Variants in AADACL3 observed in about 807,000 individuals in gnomAD.
AADACL3 encodes the protein arylacetamide deacetylase-like 3.
Under a neutral mutation model 13.6 loss-of-function variants are expected in AADACL3, and 13 were observed. That is an observed-to-expected ratio of 0.95 (90% CI 0.62 to 1.52). The LOEUF is 1.52. Ranked by LOEUF, AADACL3 falls within the 40% of genes most tolerant of loss-of-function variation. The probability of loss-of-function intolerance (pLI) is 0.00; values close to 1 mark genes in which losing one functional copy is unlikely to be tolerated. For synonymous variants in AADACL3, 195 were observed against 197.0 expected (o/e 0.99, Z 0.08); for missense variants, 519 against 499.2 (o/e 1.04, Z -0.38).
intron 3 of AADACL3, 85 bp downstream of exon 3, chr1:12,721,031 G>T: frequency 3.1e-6 from 1 of 320,946 alleles, no homozygotes; most frequent in East Asian, 8.7e-5. Flanking sequence ...AATGGGGGTG[G>T]GGGGTGGGGG....
chr1:12,723,396 A>G (rs1482630019), intron 3 of AADACL3, among the ~76,000 whole-genome samples: 1 of 152,176 alleles, frequency 6.6e-6, no homozygotes, highest in Non-Finnish European at 1.5e-5. Flanking sequence ...GTTCAAAACC[A>G]CTCACAAATG....
chr1:12,716,724 G>A (rs115463652), intron 1 of AADACL3, among the ~76,000 whole-genome samples: 1,615 of 152,298 alleles, frequency 0.011, 26 homozygotes, highest in African/African-American at 0.037. Context: ...GCATTTTTAA[G>A]TGTACCTTTC....
intron 3 of AADACL3, among the ~76,000 whole-genome samples, chr1:12,721,875 T>A (rs778685269): frequency 1.6e-4 from 24 of 152,242 alleles, no homozygotes; most frequent in African/African-American, 3.6e-4. Flanking sequence ...GGGTCCCCTG[T>A]CCTGCTGCCT....
At chr1:12,724,840 A>G (rs765481640) in intron 3 of AADACL3, among the ~76,000 whole-genome samples, 6 of 152,218 alleles carry the variant, frequency 3.9e-5, no homozygotes, top group Non-Finnish European at 7.3e-5. Context: ...TAGGTATGGC[A>G]TGATTAATTA....
In AADACL3 at chr1:12,719,516, A is replaced by T; in HGVS notation, c.210A>T (p.Gln70His). Reference sequence around the variant, plus strand: ...AGCTCAGAATCTGTTCTATGCCCCAATTTTTCTGTTTCATGCAAGATCTGC... The same window carrying T: ...AGCTCAGAATCTGTTCTATGCCCCATTTTTTCTGTTTCATGCAAGATCTGC... The part of the protein sequence containing the change: ...FEKLRICSMP[Q>H]FFCFMQDLPP... Residue 70 changes from glutamine (Q) to histidine (H), a missense_variant, in exon 2 of 4, where the codon CAA becomes CAT. By Grantham distance (24) the Gln-to-His change is conservative (BLOSUM62 0). Transcript: ENST00000359318. The T allele has an allele frequency of 6.2e-7, 1 of 1,614,022 alleles. No homozygotes were observed. Among genetic ancestry groups the T allele is most frequent in the Non-Finnish European group, 8.5e-7 (1 of 1,179,980 alleles).
rs1048660122 is a variant in AADACL3 at position 12,717,707 on chromosome 1, A to C, written c.168+1363A>C. Among the ~76,000 whole-genome samples, 41 of 152,186 alleles carry C rather than the reference A, an allele frequency of 2.7e-4. 1 individual carries two copies. The highest frequency in any genetic ancestry group is 1.3e-4 in the Non-Finnish European group (9 of 68,044). On this transcript the variant is annotated intron_variant, in intron 1 of 3. Transcript: ENST00000359318. ...ACAATAGAACAAGCTACAGATAAAC[A>C]GCTTCCCAAAGCGGAGAATGCAAGG...
Position 12,726,530 on chromosome 1 carries a change from G to T in AADACL3, c.*534G>T, listed in dbSNP as rs139206123. ...TCTGTGAACAGTAGTGACTTTTCCC[G>T]CTGTTTCTCAGCCTCTGGGATCAGA... On this transcript the variant is annotated 3_prime_UTR_variant, in exon 4 of 4. Transcript: ENST00000359318. 6.5e-6 allele frequency: 1 copy of T among 153,202 alleles called. No homozygotes were observed. The highest frequency in any genetic ancestry group is 6.5e-5 in the Admixed American group (1 of 15,390). 9.5% of individuals were successfully genotyped at this position (153,202 alleles called of 1,614,324 possible). A position where few individuals can be genotyped will look rare whatever the true frequency, so the allele number is the denominator to read the frequency against.
Position 12,725,526 on chromosome 1 carries a change from T to C in AADACL3, c.754T>C (p.Phe252Leu), listed in dbSNP as rs570205705. Residue 252 changes from phenylalanine to leucine, a missense_variant, in exon 4 of 4, where the codon TTT (phenylalanine) becomes CTT (leucine). Physicochemically the swap from Phe to Leu is conservative, Grantham distance 22. Transcript: ENST00000359318. Reference sequence around the variant, plus strand: ...GCTCACCTGGAGTTTCATCTGCTACTTTTTTTTTCAAAACCTGGATTTCAG... The same window carrying C: ...GCTCACCTGGAGTTTCATCTGCTACCTTTTTTTTCAAAACCTGGATTTCAG... ...PLLTWSFICY[F>L]FFQNLDFSSS... 5.6e-6 allele frequency: 9 copies of C among 1,612,490 alleles called. No individual in the cohort carries two copies. In the Admixed American group the frequency reaches 1.5e-4, roughly 27 times the overall value.
At position 12,720,948 on chromosome 1, in the gene AADACL3, T is replaced by G. The variant is rs935187588; in HGVS notation, c.449+2T>G. 1.3e-6 allele frequency: 2 copies of G among 1,587,700 alleles called. No homozygotes were observed. The highest frequency in any genetic ancestry group is 3.5e-5 in the Admixed American group (2 of 57,330). On this transcript the variant is annotated splice_donor_variant, in intron 3 of 3. Transcript: ENST00000359318. LOFTEE classifies it high-confidence loss of function. The stretch of plus-strand genomic sequence containing the variant: ...TGACTCCGTGGTTCTGGCAGTTGGG[T>G]GAGTAAAGGGGAGATCCCAGGGAGC...
chr1:12,720,682 T>C (rs868051623), intron 2 of AADACL3, among the ~76,000 whole-genome samples: 87 of 152,050 alleles, frequency 5.7e-4, no homozygotes, highest in Middle Eastern at 3.4e-3. Context: ...GTAGGATGGA[T>C]TGGAGGGTGG....
Position 12,726,461 on chromosome 1 carries a change from AGGT to A in AADACL3, c.*478_*480del, listed in dbSNP as rs1553152506. ...AGCTCTGATGCTCTGGGCTGCTGTGAGGTGGTGGTGGTGGTAGAGAAACTGGCT... is the reference window on the plus strand; with the variant it reads ...AGCTCTGATGCTCTGGGCTGCTGTGAGGTGGTGGTGGTAGAGAAACTGGCT... On this transcript the variant is annotated 3_prime_UTR_variant, in exon 4 of 4. Coordinates refer to ENST00000359318, the MANE Select transcript of AADACL3 (RefSeq NM_001103170.3). 4 of 158,714 alleles carry A rather than the reference AGGT, an allele frequency of 2.5e-5. No individual in the cohort carries two copies. The highest frequency in any genetic ancestry group is 1.9e-4 in the East Asian group (1 of 5,374). 9.8% of individuals were successfully genotyped at this position (158,714 alleles called of 1,614,324 possible).
chr1:12,721,531 G>T (rs1029681860), intron 3 of AADACL3, among the ~76,000 whole-genome samples: 2 of 152,180 alleles, frequency 1.3e-5, no homozygotes, highest in African/African-American at 4.8e-5. Flanking sequence ...GAGGCGTTTT[G>T]TGCATTTTGA....
At chr1:12,720,227 A>G (rs945588282) in intron 2 of AADACL3, among the ~76,000 whole-genome samples, 2 of 152,140 alleles carry the variant, frequency 1.3e-5, no homozygotes, top group Non-Finnish European at 2.9e-5. Context: ...ACCCCCAGGG[A>G]ATTAGGGGAG....
At position 12,719,507 on chromosome 1, in the gene AADACL3, T is replaced by C. The variant is rs1290134004; in HGVS notation, c.201T>C (p.Ser67=). The C allele has an allele frequency of 6.2e-7, 1 of 1,614,130 alleles. No individual in the cohort carries two copies. Among genetic ancestry groups the C allele is most frequent in the South Asian group, 1.1e-5 (1 of 91,086 alleles). Residue 67 remains serine, a synonymous_variant, in exon 2 of 4, where the codon TCT becomes TCC. Transcript: ENST00000359318. ...TATTTGAGAAGCTCAGAATCTGTTC[T>C]ATGCCCCAATTTTTCTGTTTCATGC... ...GMIFEKLRIC[S]MPQFFCFMQD...
chr1:12,723,788 A>ATTT (rs34002486), intron 3 of AADACL3, among the ~76,000 whole-genome samples: 34 of 137,872 alleles, frequency 2.5e-4, no homozygotes, highest in African/African-American at 8.5e-4. Context: ...TGACTTTATA[A>ATTT]TTTTTTTTTT....
intron 3 of AADACL3, among the ~76,000 whole-genome samples, chr1:12,724,553 CA>C (rs200675074): frequency 0.016 from 2,496 of 152,080 alleles, 40 homozygotes; most frequent in South Asian, 0.063. Flanking sequence ...GGCATGGTCA[CA>C]GCTCACTGCA....
intron 3 of AADACL3, among the ~76,000 whole-genome samples, chr1:12,722,326 G>GAAAA (rs564374343): frequency 2.7e-5 from 2 of 73,810 alleles, no homozygotes; most frequent in African/African-American, 5.9e-5. Flanking sequence ...GATTCCGTCT[G>GAAAA]AAAAAAAAAA....
Position 12,726,119 on chromosome 1 carries a change from C to A in AADACL3, c.*123C>A. 3 of 1,111,904 alleles carry A rather than the reference C, an allele frequency of 2.7e-6. No individual in the cohort carries two copies. The highest frequency in any genetic ancestry group is 3.8e-6 in the Non-Finnish European group (3 of 795,584). The allele number at this position is 1,111,904 out of a possible 1,614,324, so 68.9% of individuals were successfully genotyped here. On this transcript the variant is annotated 3_prime_UTR_variant, in exon 4 of 4. Transcript: ENST00000359318. ...CTAGGGAGGGGGTAGAGGTTGCTGT[C>A]ACCTTTCTGGTCCAGGTTCTAGAAC...
chr1:12,722,077 A>G (rs952042054), intron 3 of AADACL3, among the ~76,000 whole-genome samples: 2 of 152,192 alleles, frequency 1.3e-5, no homozygotes, highest in African/African-American at 2.4e-5. Flanking sequence ...CACGCTTGTA[A>G]TCCCAGCACG....
Sources: gnomAD v4.1 joint callset for allele counts (sites outside exome capture counted in the v4.1 genomes callset) on GRCh38, gnomAD v4.1.1 for gene constraint, MANE v1.5 for transcripts, NCBI Gene and HGNC (gene_info 2026-07-23, HGNC 2026-07-21) for gene names.